The following NBPF20 variants were observed in gnomAD, a reference collection of about 807,000 sequenced individuals.
NBPF20 encodes the protein NBPF family member NBPF20.
In NBPF20, 90 loss-of-function variants were observed where a neutral mutation model predicts 68.1. That is an observed-to-expected ratio of 1.32 (90% CI 1.11 to 1.58). NBPF20 has a LOEUF of 1.58. Ranked by LOEUF, NBPF20 falls within the 40% of genes most tolerant of loss-of-function variation. NBPF20 has a pLI of 0.00. For missense variants in NBPF20, 816 were observed against 601.2 expected (o/e 1.36, Z -3.74); for synonymous variants, 290 against 228.1 (o/e 1.27, Z -2.45).
the NBPF20 span, among the ~76,000 whole-genome samples, chr1:145,410,597 G>T: frequency 1.3e-5 from 2 of 151,084 alleles, no homozygotes. Context: ...ACAGGCGTGA[G>T]CCACCGCGCC....
chr1:145,292,339 G>C lies in NBPF20; in HGVS notation c.16697+42C>G, dbSNP rs587676799. On this transcript the variant is annotated intron_variant, in intron 137 of 137. Transcript: ENST00000369373. The stretch of plus-strand genomic sequence containing the variant: ...GTTTCCCTGAATCTGTTGCCTCCAG[G>C]TGTTAACACAGAATTAAGCATCCAC... 291 of 654,358 alleles carry C rather than the reference G, an allele frequency of 4.4e-4. 1 individual carries two copies. The highest frequency in any genetic ancestry group is 6.2e-4 in the South Asian group (35 of 56,310). The allele number at this position is 654,358 out of a possible 1,614,324, so 40.5% of individuals were successfully genotyped here.
the NBPF20 span, among the ~76,000 whole-genome samples, chr1:145,425,595 G>A: frequency 4.6e-5 from 7 of 152,220 alleles, no homozygotes; most frequent in South Asian, 2.1e-4. Flanking sequence ...GGGTCTCGCC[G>A]GGCGCGTCAA....
intron 136 of NBPF20, 94 bp from the exon 142 acceptor site, chr1:145,292,583 T>A (rs1441248974): frequency 1.5e-5 from 11 of 743,984 alleles, no homozygotes; most frequent in Non-Finnish European, 2.4e-5. Flanking sequence ...GACCTCAGGC[T>A]CCCCAGCATA....
chr1:145,291,331 A>G, exon 138 of NBPF20: 2 of 853,940 alleles, frequency 2.3e-6, no homozygotes, highest in South Asian at 3.4e-5. Context: ...TGAACGTGTC[A>G]CACCTAACGT....
At chr1:145,407,420 TGTATACAC>T (rs1201985755), upstream of NBPF20, among the ~76,000 whole-genome samples, 2 of 147,018 alleles carry the variant, frequency 1.4e-5, no homozygotes, top group Admixed American at 1.4e-4. Context: ...CATATATACA[TGTATACAC>T]GTATACATGT....
intron 8 of NBPF20, among the ~76,000 whole-genome samples, chr1:145,394,701 G>A (rs1242612646): frequency 2.0e-5 from 3 of 152,050 alleles, no homozygotes; most frequent in East Asian, 1.9e-4. Context: ...ATAGTTTGGT[G>A]TGAGTTTGCC....
At chr1:145,290,056 A>T (rs1249505696) in exon 138 of NBPF20, 2 of 149,768 alleles carry the variant, frequency 1.3e-5, no homozygotes, top group Non-Finnish European at 1.5e-5. Flanking sequence ...TTGGACAAAA[A>T]TTAAAACTCA....
chr1:145,419,127 G>A, the NBPF20 span, among the ~76,000 whole-genome samples: 2 of 143,738 alleles, frequency 1.4e-5, no homozygotes, highest in Non-Finnish European at 3.0e-5. Flanking sequence ...GAGGCAGGGA[G>A]GAAGGGAGGA....
the NBPF20 span, among the ~76,000 whole-genome samples, chr1:145,410,816 G>A: frequency 4.6e-4 from 54 of 117,100 alleles, no homozygotes; most frequent in African/African-American, 1.9e-3. Context: ...ATATATATAC[G>A]TATATATATA....
At chr1:145,405,742 G>A (rs1357368105), upstream of NBPF20, 3 of 455,002 alleles carry the variant, frequency 6.6e-6, no homozygotes, top group Admixed American at 3.9e-5. Context: ...TTGTGACAAT[G>A]CCACAGACCC....
exon 138 of NBPF20, chr1:145,291,591 A>T (rs587680970): frequency 2.9e-5 from 46 of 1,611,924 alleles, no homozygotes; most frequent in Non-Finnish European, 3.8e-5. Context: ...AAAGTAAAAA[A>T]CCTATTGTCC....
chr1:145,425,331 C>G, the NBPF20 span, among the ~76,000 whole-genome samples: 1 of 151,796 alleles, frequency 6.6e-6, no homozygotes, highest in Non-Finnish European at 1.5e-5. Flanking sequence ...ACCGCCCGCC[C>G]GGCCTGGCGC....
the NBPF20 span, among the ~76,000 whole-genome samples, chr1:145,417,372 TA>T: frequency 6.9e-6 from 1 of 145,114 alleles, no homozygotes; most frequent in African/African-American, 2.5e-5. Context: ...AGAGATAAAA[TA>T]GGAGAAAATC....
exon 138 of NBPF20, chr1:145,290,652 T>C (rs2101374919): frequency 6.6e-6 from 1 of 151,474 alleles, no homozygotes; most frequent in South Asian, 2.1e-4. Context: ...CCAAAATATC[T>C]CTTCTCCTTT....
Position 145,292,606 on chromosome 1 carries a change from T to G in NBPF20, c.16589-117A>C, listed in dbSNP as rs146537261. On this transcript the variant is annotated intron_variant, in intron 136 of 137. Transcript: ENST00000369373. ...GCTCCCCAGCATAAGAATAGGACACTTTGAGAGATATATTTCAGGAGGCCT... is the reference window on the plus strand; with the variant it reads ...GCTCCCCAGCATAAGAATAGGACACGTTGAGAGATATATTTCAGGAGGCCT... 39 of 740,786 alleles carry G rather than the reference T, an allele frequency of 5.3e-5. 1 individual carries two copies. The highest frequency in any genetic ancestry group is 4.8e-4 in the South Asian group (35 of 72,906). 45.9% of individuals were successfully genotyped at this position (740,786 alleles called of 1,614,324 possible).
the NBPF20 span, among the ~76,000 whole-genome samples, chr1:145,411,270 G>A: frequency 2.0e-5 from 3 of 149,146 alleles, no homozygotes; most frequent in Admixed American, 6.7e-5. Context: ...CAACTCTTCT[G>A]ATCCATGACA....
intron 8 of NBPF20, among the ~76,000 whole-genome samples, 177 bp downstream of exon 13, chr1:145,394,801 C>A (rs1373561187): frequency 1.3e-5 from 2 of 152,214 alleles, no homozygotes; most frequent in Non-Finnish European, 2.9e-5. Context: ...CTCACTGACC[C>A]ACCCCATGCC....
At chr1:145,410,549 G>A (rs1662965762), upstream of NBPF20, among the ~76,000 whole-genome samples, 1 of 150,622 alleles carries the variant, frequency 6.6e-6, no homozygotes, top group East Asian at 1.9e-4. Context: ...TCCTGACCTC[G>A]TGATCCGCCC....
At chr1:145,408,682 GTGT>G (rs1409653576), upstream of NBPF20, among the ~76,000 whole-genome samples, 1 of 151,842 alleles carries the variant, frequency 6.6e-6, no homozygotes, top group Non-Finnish European at 1.5e-5. Context: ...AATCAGAATT[GTGT>G]TGATGTAATA....
Sources: allele counts gnomAD v4.1 joint callset (sites outside exome capture counted in the v4.1 genomes callset), GRCh38; gene constraint gnomAD v4.1.1; transcripts MANE v1.5; gene names NCBI Gene and HGNC (gene_info 2026-07-23, HGNC 2026-07-21).